KCNQ1OT1: variants seen among roughly 807,000 people sequenced by gnomAD.
KCNQ1OT1 encodes the protein KCNQ1 opposite strand/antisense transcript 1.
exon 1 of KCNQ1OT1, chr11:2,696,291 G>A (rs1850674791): frequency 5.0e-6 from 2 of 398,536 alleles, no homozygotes; most frequent in Admixed American, 4.4e-5. Flanking sequence ...TTTCCTAGGG[G>A]CTCAGTTAGG....
rs190155887 is a variant in KCNQ1OT1 at position 2,642,146 on chromosome 11, T to G, written n.57849A>C. The G allele has an allele frequency of 4.0e-5, 16 of 398,462 alleles. No individual in the cohort carries two copies. The Admixed American group carries it at 6.6e-4, about 16-fold the overall frequency. 24.7% of individuals were successfully genotyped at this position (398,462 alleles called of 1,614,324 possible). On this transcript the variant is annotated non_coding_transcript_exon_variant, in exon 1 of 1. Transcript: ENST00000597346. This position sits in a 1 kb window ranked among gnomAD's most constrained non-coding sequence, Gnocchi z 4.3. ...TCTGAATTTTAGGATTTTTTCTATT[T>G]CCATGAAAAATGGCATTGGTATTTT...
At position 2,627,065 on chromosome 11, in the gene KCNQ1OT1, T is replaced by G; in HGVS notation, n.72930A>C. The G allele has an allele frequency of 2.5e-6, 1 of 398,606 alleles. No homozygotes were observed. The allele number at this position is 398,606 out of a possible 1,614,324, so 24.7% of individuals were successfully genotyped here. A position where few individuals can be genotyped will look rare whatever the true frequency, so the allele number is the denominator to read the frequency against. ...TTCCAATCCATGAACATAGGAGGTGTTTTCCCTTTATGTCTACTTTAATTT... is the reference window on the plus strand; with the variant it reads ...TTCCAATCCATGAACATAGGAGGTGGTTTCCCTTTATGTCTACTTTAATTT... On this transcript the variant is annotated non_coding_transcript_exon_variant, in exon 1 of 1. Coordinates refer to ENST00000597346, the Ensembl canonical transcript of KCNQ1OT1. This position sits in a 1 kb window ranked among gnomAD's most constrained non-coding sequence, Gnocchi z 4.9.
Position 2,661,544 on chromosome 11 carries a change from C to A in KCNQ1OT1, n.38451G>T, listed in dbSNP as rs1264229033. 5.9e-6 allele frequency: 3 copies of A among 504,480 alleles called. No homozygotes were observed. Among genetic ancestry groups the A allele is most frequent in the African/African-American group, 5.7e-5 (3 of 52,490 alleles). 31.3% of individuals were successfully genotyped at this position (504,480 alleles called of 1,614,324 possible). ...ACCCCATCTTTCCTGACCCACTACT[C>A]TGTCAATGTATGAGTGTGACAATGT... is the stretch of plus-strand genomic sequence containing the variant. On this transcript the variant is annotated non_coding_transcript_exon_variant, in exon 1 of 1. Transcript: ENST00000597346. This position sits in a 1 kb window ranked among gnomAD's most constrained non-coding sequence, Gnocchi z 5.9.
chr11:2,624,937 A>C lies in KCNQ1OT1; in HGVS notation n.75058T>G, dbSNP rs1425755519. 1.3e-5 allele frequency: 5 copies of C among 398,458 alleles called. No homozygotes were observed. Among genetic ancestry groups the C allele is most frequent in the Non-Finnish European group, 1.8e-5 (4 of 226,080 alleles). 24.7% of individuals were successfully genotyped at this position (398,458 alleles called of 1,614,324 possible). On this transcript the variant is annotated non_coding_transcript_exon_variant, in exon 1 of 1. Transcript: ENST00000597346. This position sits in a 1 kb window ranked among gnomAD's most constrained non-coding sequence, Gnocchi z 4.9. ...AAAATTTCTATTTTTTTTAAAGCTG[A>C]ATAATATTACATTGTATGTATATAC...
rs1849688963 is a variant in KCNQ1OT1 at position 2,647,786 on chromosome 11, G to T, written n.52209C>A. On this transcript the variant is annotated non_coding_transcript_exon_variant, in exon 1 of 1. Coordinates refer to ENST00000597346, the Ensembl canonical transcript of KCNQ1OT1. The surrounding 1 kb of genome is among the most constrained non-coding windows in gnomAD (Gnocchi z 4.0). ...GTTTTCTAATTGTTGACATATAGTT[G>T]TTCATAATGGTCTCTAATAATCTTT... 1 of 398,362 alleles carries T rather than the reference G, an allele frequency of 2.5e-6. No individual in the cohort carries two copies. The highest frequency in any genetic ancestry group is 4.4e-6 in the Non-Finnish European group (1 of 226,030). 24.7% of individuals were successfully genotyped at this position (398,362 alleles called of 1,614,324 possible). A position where few individuals can be genotyped will look rare whatever the true frequency, so the allele number is the denominator to read the frequency against.
chr11:2,648,654 C>T lies in KCNQ1OT1; in HGVS notation n.51341G>A, dbSNP rs536819350. The T allele has an allele frequency of 1.3e-5, 5 of 398,458 alleles. No individual in the cohort carries two copies. In the East Asian group the frequency reaches 1.8e-4, roughly 14 times the overall value. 24.7% of individuals were successfully genotyped at this position (398,458 alleles called of 1,614,324 possible). A position where few individuals can be genotyped will look rare whatever the true frequency, so the allele number is the denominator to read the frequency against. ...GAGAAGATACTTGATAAGATTTTGACTTTTAAAAATTTATTGAGACCCGTT... is the reference window on the plus strand; with the variant it reads ...GAGAAGATACTTGATAAGATTTTGATTTTTAAAAATTTATTGAGACCCGTT... On this transcript the variant is annotated non_coding_transcript_exon_variant, in exon 1 of 1. Transcript: ENST00000597346.
chr11:2,645,714 C>A lies in KCNQ1OT1; in HGVS notation n.54281G>T, dbSNP rs1228019772. The A allele has an allele frequency of 2.5e-6, 1 of 398,652 alleles. No homozygotes were observed. Among genetic ancestry groups the A allele is most frequent in the Non-Finnish European group, 4.4e-6 (1 of 226,266 alleles). 24.7% of individuals were successfully genotyped at this position (398,652 alleles called of 1,614,324 possible). ...TGGAGGGAGCAGTCAGGAGTGGCAA[C>A]CAGCTTTGTGTAAGGGATGTCCATG... is the stretch of plus-strand genomic sequence containing the variant. On this transcript the variant is annotated non_coding_transcript_exon_variant, in exon 1 of 1. Coordinates refer to ENST00000597346, the Ensembl canonical transcript of KCNQ1OT1. The surrounding 1 kb of genome is among the most constrained non-coding windows in gnomAD (Gnocchi z 5.8).
At chr11:2,686,311 G>A (rs993950829) in exon 1 of KCNQ1OT1, 1 of 398,578 alleles carries the variant, frequency 2.5e-6, no homozygotes, top group Admixed American at 4.4e-5. Flanking sequence ...CCACACTAGT[G>A]TCACCTGGCC....
Position 2,613,973 on chromosome 11 carries a change from A to T in KCNQ1OT1, n.86022T>A, listed in dbSNP as rs1017223338. 5.0e-6 allele frequency: 2 copies of T among 398,496 alleles called. No homozygotes were observed. Among genetic ancestry groups the T allele is most frequent in the African/African-American group, 2.1e-5 (1 of 48,630 alleles). 24.7% of individuals were successfully genotyped at this position (398,496 alleles called of 1,614,324 possible). Reference sequence around the variant, plus strand: ...TAACAACATCTCCTAGAAATCACTCAACATCCATTCACAGAGATCTTTCTC... The same window carrying T: ...TAACAACATCTCCTAGAAATCACTCTACATCCATTCACAGAGATCTTTCTC... On this transcript the variant is annotated non_coding_transcript_exon_variant, in exon 1 of 1. Coordinates refer to ENST00000597346, the Ensembl canonical transcript of KCNQ1OT1. This position sits in a 1 kb window ranked among gnomAD's most constrained non-coding sequence, Gnocchi z 4.8.
exon 1 of KCNQ1OT1, chr11:2,694,619 G>T: frequency 2.5e-6 from 1 of 398,580 alleles, no homozygotes; most frequent in South Asian, 1.3e-4. Context: ...TTCAATAAAT[G>T]AATGAAACCA....
chr11:2,685,594 C>G, exon 1 of KCNQ1OT1: 1 of 398,644 alleles, frequency 2.5e-6, no homozygotes, highest in Non-Finnish European at 4.4e-6. Context: ...TGACAGGAAG[C>G]TAGGAGGGTT....
chr11:2,693,007 C>G, exon 1 of KCNQ1OT1: 1 of 398,620 alleles, frequency 2.5e-6, no homozygotes, highest in Non-Finnish European at 4.4e-6. Flanking sequence ...TAAGCAAGCA[C>G]GCTCAGTGAA....
rs1340847920 is a variant in KCNQ1OT1, at chr11:2,628,492, A to T, written n.71503T>A. Reference sequence around the variant, plus strand: ...ATCTTAACAGGTTATTAATTGGGTTATTAAGTTTTTTTGCTAGTTATATGA... The same window carrying T: ...ATCTTAACAGGTTATTAATTGGGTTTTTAAGTTTTTTTGCTAGTTATATGA... On this transcript the variant is annotated non_coding_transcript_exon_variant, in exon 1 of 1. Transcript: ENST00000597346. 15 of 398,234 alleles carry T rather than the reference A, an allele frequency of 3.8e-5. No homozygotes were observed. The East Asian group carries it at 5.4e-4, about 14-fold the overall frequency. 24.7% of individuals were successfully genotyped at this position (398,234 alleles called of 1,614,324 possible). A position where few individuals can be genotyped will look rare whatever the true frequency, so the allele number is the denominator to read the frequency against.
exon 1 of KCNQ1OT1, chr11:2,630,922 G>C (rs941945798): frequency 1.8e-5 from 7 of 398,378 alleles, no homozygotes; most frequent in African/African-American, 1.4e-4. Flanking sequence ...TCCTGGCCTG[G>C]AAAGTTTTTG....
exon 1 of KCNQ1OT1, chr11:2,684,657 C>T (rs1394041825): frequency 2.5e-6 from 1 of 398,632 alleles, no homozygotes; most frequent in Admixed American, 4.4e-5. Context: ...GAAAGAAAGG[C>T]TTGTTGGATG....
chr11:2,624,128 T>C lies in KCNQ1OT1; in HGVS notation n.75867A>G, dbSNP rs1849223682. On this transcript the variant is annotated non_coding_transcript_exon_variant, in exon 1 of 1. Transcript: ENST00000597346. This position sits in a 1 kb window ranked among gnomAD's most constrained non-coding sequence, Gnocchi z 4.9. The stretch of plus-strand genomic sequence containing the variant: ...GGCCATTCTAATAAGCGTGTAGATA[T>C]ATCACATTTCTTGTTTTAATTTCCA... The C allele has an allele frequency of 5.0e-6, 2 of 398,472 alleles. No homozygotes were observed. Among genetic ancestry groups the C allele is most frequent in the Admixed American group, 4.4e-5 (1 of 22,716 alleles). 24.7% of individuals were successfully genotyped at this position (398,472 alleles called of 1,614,324 possible).
exon 1 of KCNQ1OT1, chr11:2,619,146 C>A (rs1849120372): frequency 2.5e-6 from 1 of 398,308 alleles, no homozygotes. Flanking sequence ...CTTCTTACTT[C>A]CTGATTTGAA....
Position 2,663,597 on chromosome 11 carries a change from T to C in KCNQ1OT1, n.36398A>G. 2.5e-6 allele frequency: 1 copy of C among 398,708 alleles called. No homozygotes were observed. The highest frequency in any genetic ancestry group is 3.6e-5 in the East Asian group (1 of 28,084). The allele number at this position is 398,708 out of a possible 1,614,324, so 24.7% of individuals were successfully genotyped here. ...CTCCTGTTGGAGCTCTCGCTCACCT[T>C]GGTTCTCTTGGTCACGGACCAGCAT... On this transcript the variant is annotated non_coding_transcript_exon_variant, in exon 1 of 1. Transcript: ENST00000597346. The surrounding 1 kb of genome is among the most constrained non-coding windows in gnomAD (Gnocchi z 5.2).
rs1454102607 is a variant in KCNQ1OT1, at chr11:2,617,035, A to T, written n.82960T>A. 2.5e-6 allele frequency: 1 copy of T among 398,068 alleles called. No homozygotes were observed. The highest frequency in any genetic ancestry group is 4.4e-6 in the Non-Finnish European group (1 of 225,836). 24.7% of individuals were successfully genotyped at this position (398,068 alleles called of 1,614,324 possible). On this transcript the variant is annotated non_coding_transcript_exon_variant, in exon 1 of 1. Coordinates refer to ENST00000597346, the Ensembl canonical transcript of KCNQ1OT1. This position sits in a 1 kb window ranked among gnomAD's most constrained non-coding sequence, Gnocchi z 4.6. Reference sequence around the variant, plus strand: ...ATACAGTTAAATCGTTAACATAGTGATGCAAATTAATATGTCCATCATCTC... The same window carrying T: ...ATACAGTTAAATCGTTAACATAGTGTTGCAAATTAATATGTCCATCATCTC...
Sources: gnomAD v4.1 joint callset for allele counts on GRCh38, gnomAD v4.1.1 for gene constraint, Gnocchi (gnomAD v3.1) non-coding constraint, MANE v1.5 for transcripts, NCBI Gene and HGNC (gene_info 2026-07-23, HGNC 2026-07-21) for gene names.